UMODL1: variants seen among roughly 807,000 people sequenced by gnomAD.
The protein encoded by UMODL1 is uromodulin-like 1.
A neutral mutation model predicts 136.3 loss-of-function variants in UMODL1; 128 were observed. The observed-to-expected ratio is 0.94, with a 90% confidence interval of 0.81 to 1.09. The LOEUF is 1.09. Ranked by LOEUF, UMODL1 falls within the 50% of genes least tolerant of loss-of-function variation. UMODL1 has a pLI of 0.00. For missense variants in UMODL1, 1,766 were observed against 1,725.6 expected, an observed-to-expected ratio of 1.02 and a Z score of -0.41; for synonymous variants, 721 against 720.0, an observed-to-expected ratio of 1.00 and a Z score of -0.02.
intron 2 of UMODL1, among the ~76,000 whole-genome samples, chr21:42,080,586 C>T (rs546057584): frequency 1.3e-5 from 2 of 152,278 alleles, no homozygotes; most frequent in South Asian, 2.1e-4. Flanking sequence ...ATTTGGAATG[C>T]GATGACAACT....
chr21:42,126,906 G>T (rs1372322713), intron 18 of UMODL1, 100 bp from the exon 19 acceptor site: 3 of 977,338 alleles, frequency 3.1e-6, no homozygotes, highest in Non-Finnish European at 4.9e-6. Context: ...TCATTTGCAC[G>T]TTCCTCTGGA....
At chr21:42,075,219 T>A (rs1166598968) in intron 1 of UMODL1, among the ~76,000 whole-genome samples, 1 of 143,078 alleles carries the variant, frequency 7.0e-6, no homozygotes, top group Non-Finnish European at 1.5e-5. Context: ...GGCTAATTTT[T>A]AAAAAATATT....
At chr21:42,141,440 C>T (rs1298588662) in intron 22 of UMODL1, among the ~76,000 whole-genome samples, 2 of 152,186 alleles carry the variant, frequency 1.3e-5, no homozygotes, top group African/African-American at 2.4e-5. Context: ...GATAGAGTTA[C>T]GAGGAAATGT....
At chr21:42,126,049 C>T (rs971139830) in intron 17 of UMODL1, among the ~76,000 whole-genome samples, 5 of 152,208 alleles carry the variant, frequency 3.3e-5, no homozygotes, top group Admixed American at 1.3e-4. Flanking sequence ...GAGCTCTTGA[C>T]GGTTTTTGAC....
chr21:42,069,076 C>G (rs1486642978), upstream of UMODL1, among the ~76,000 whole-genome samples: 1 of 152,230 alleles, frequency 6.6e-6, no homozygotes, highest in Non-Finnish European at 1.5e-5. Context: ...GGAGAATTCT[C>G]TCCCTGGTGG....
chr21:42,094,674 G>A (rs190699371), intron 6 of UMODL1, among the ~76,000 whole-genome samples: 2 of 152,254 alleles, frequency 1.3e-5, no homozygotes, highest in East Asian at 1.9e-4. Context: ...GAGAGGAGTC[G>A]GGGGTAGAAG....
In UMODL1 at chr21:42,102,205, A is replaced by G; in HGVS notation, c.1226A>G (p.His409Arg). The G allele has an allele frequency of 6.2e-7, 1 of 1,613,856 alleles. No individual in the cohort carries two copies. The highest frequency in any genetic ancestry group is 8.5e-7 in the Non-Finnish European group (1 of 1,179,860). ...GAAGTCACAATAAAGATTGTAAACC[A>G]CAACCTGACGGAGAAGTTACTCAAC... is the stretch of plus-strand genomic sequence containing the variant. ...VFEVTIKIVN[H>R]NLTEKLLNRS... Residue 409 changes from histidine to arginine, a missense_variant, in exon 8 of 23, where the codon CAC (histidine) becomes CGC (arginine). His to Arg is a conservative substitution (Grantham distance 29). Transcript: ENST00000408910.
chr21:42,118,113 G>T (rs1274841433), intron 14 of UMODL1, among the ~76,000 whole-genome samples: 1 of 152,224 alleles, frequency 6.6e-6, no homozygotes, highest in Non-Finnish European at 1.5e-5. Flanking sequence ...CTAGCAAGGG[G>T]CCTGGAAGTT....
intron 1 of UMODL1, among the ~76,000 whole-genome samples, chr21:42,073,663 A>C (rs978112095): frequency 2.0e-5 from 3 of 152,100 alleles, no homozygotes; most frequent in Non-Finnish European, 4.4e-5. Flanking sequence ...TCCTGGGGTG[A>C]GTAACAAGCC....
At chr21:42,072,840 C>T (rs953167220) in intron 1 of UMODL1, among the ~76,000 whole-genome samples, 16 of 152,222 alleles carry the variant, frequency 1.1e-4, no homozygotes, top group African/African-American at 2.9e-4. Flanking sequence ...CCAAGACCCC[C>T]GGCTCCTGCT....
At chr21:42,079,234 C>G (rs1021365930) in intron 2 of UMODL1, among the ~76,000 whole-genome samples, 2 of 152,216 alleles carry the variant, frequency 1.3e-5, no homozygotes, top group African/African-American at 4.8e-5. Context: ...GAGACCCTGG[C>G]CTGCTGCAGC....
upstream of UMODL1, among the ~76,000 whole-genome samples, chr21:42,067,637 A>G (rs2066193528): frequency 6.6e-6 from 1 of 152,192 alleles, no homozygotes; most frequent in Admixed American, 6.5e-5. Context: ...GTGCGTGTCC[A>G]CTGCCCCCCT....
chr21:42,137,314 G>A (rs2067217503), intron 21 of UMODL1, 125 bp from the exon 22 acceptor site: 5 of 1,200,278 alleles, frequency 4.2e-6, no homozygotes, highest in Non-Finnish European at 6.0e-6. Context: ...GCACACGGGT[G>A]CACACGTGGG....
At chr21:42,089,045 T>C (rs182240700) in intron 5 of UMODL1, among the ~76,000 whole-genome samples, 105 of 152,228 alleles carry the variant, frequency 6.9e-4, no homozygotes, top group African/African-American at 2.3e-3. Flanking sequence ...TGTCAGGAAT[T>C]GGCAAGCCTC....
At chr21:42,082,472 G>A (rs2066373295) in intron 2 of UMODL1, among the ~76,000 whole-genome samples, 5 of 152,200 alleles carry the variant, frequency 3.3e-5, no homozygotes, top group Admixed American at 3.3e-4. Context: ...GACACACAAA[G>A]CTTGCCATGT....
upstream of UMODL1, among the ~76,000 whole-genome samples, chr21:42,069,710 G>A (rs1287562251): frequency 6.6e-6 from 1 of 152,088 alleles, no homozygotes; most frequent in Non-Finnish European, 1.5e-5. Context: ...TATTATCCCT[G>A]ATTTACCTTG....
chr21:42,133,987 G>C (rs1043466060), intron 21 of UMODL1, among the ~76,000 whole-genome samples: 2 of 152,118 alleles, frequency 1.3e-5, no homozygotes, highest in African/African-American at 4.8e-5. Flanking sequence ...GCATGATCTC[G>C]GCTCACTGCA....
rs1195141691 is a variant in UMODL1 at position 42,122,484 on chromosome 21, C to T, written c.2828-347C>T. Among the ~76,000 whole-genome samples the T allele has an allele frequency of 6.6e-6, 1 of 152,174 alleles. No homozygotes were observed. Among genetic ancestry groups the T allele is most frequent in the Non-Finnish European group, 1.5e-5 (1 of 68,014 alleles). On this transcript the variant is annotated intron_variant, in intron 16 of 22. Coordinates refer to ENST00000408910, the MANE Select transcript of UMODL1 (RefSeq NM_001004416.3). This position sits in a 1 kb window ranked among gnomAD's most constrained non-coding sequence, Gnocchi z 4.3. Reference sequence around the variant, plus strand: ...ATCAGGTCCCTCGGTCCTTGGCCCTCGGGGGCCCATGGTGAGCCTGGATCC... The same window carrying T: ...ATCAGGTCCCTCGGTCCTTGGCCCTTGGGGGCCCATGGTGAGCCTGGATCC...
chr21:42,091,981 C>G (rs568731129), intron 6 of UMODL1, among the ~76,000 whole-genome samples: 2 of 152,216 alleles, frequency 1.3e-5, no homozygotes, highest in African/African-American at 4.8e-5. Context: ...GGCAGGAAAA[C>G]AGCTGGAAGG....
Sources: allele counts gnomAD v4.1 joint callset (sites outside exome capture counted in the v4.1 genomes callset), GRCh38; gene constraint gnomAD v4.1.1; non-coding constraint Gnocchi (gnomAD v3.1); transcripts MANE v1.5; gene names NCBI Gene and HGNC (gene_info 2026-07-23, HGNC 2026-07-21).